Variants in CEP63 observed in about 807,000 individuals in gnomAD.
CEP63 encodes the protein centrosomal protein of 63 kDa.
CEP63 carries 84 observed loss-of-function variants against 89.1 expected under a neutral mutation model. The observed-to-expected ratio is 0.94, with a 90% CI of 0.79 to 1.13. The LOEUF is 1.13. CEP63 is among the 50% of genes most tolerant of loss of function. The pLI is 0.00. For synonymous variants in CEP63, 267 were observed against 272.5 expected, an observed-to-expected ratio of 0.98 and a Z score of 0.20; for missense variants, 838 against 813.3, an observed-to-expected ratio of 1.03 and a Z score of -0.37.
chr3:134,584,977 A>ATTTTTTT (rs1553799253), intron 10 of CEP63, among the ~76,000 whole-genome samples: 1 of 14,680 alleles, frequency 6.8e-5, no homozygotes, highest in African/African-American at 2.9e-4. Flanking sequence ...TTTTTTTTGC[A>ATTTTTTT]TGGAGGTGTT....
chr3:134,626,721 G>A, the CEP63 span, among the ~76,000 whole-genome samples: 2 of 152,210 alleles, frequency 1.3e-5, no homozygotes, highest in Non-Finnish European at 2.9e-5. Context: ...CATGGTTTGA[G>A]AGGCAATGCC....
At position 134,555,282 on chromosome 3, in the gene CEP63, G is replaced by T. The variant is rs184291358; in HGVS notation, c.1468-2860G>T. Among the ~76,000 whole-genome samples the T allele has an allele frequency of 2.0e-5, 3 of 152,238 alleles. No individual in the cohort carries two copies. The East Asian group carries it at 5.8e-4, about 29-fold the overall frequency. On this transcript the variant is annotated intron_variant, in intron 12 of 14. Transcript: ENST00000675561. ...TGGAAGTTCTGGCCAGGGCAATTAGGCAGGAGAAGGAAATAAAGGGTATTC... is the reference window on the plus strand; with the variant it reads ...TGGAAGTTCTGGCCAGGGCAATTAGTCAGGAGAAGGAAATAAAGGGTATTC...
intron 1 of CEP63, chr3:134,486,426 G>C: frequency 2.0e-6 from 2 of 985,488 alleles, no homozygotes; most frequent in Non-Finnish European, 2.4e-6. Flanking sequence ...CCAGTCCCTC[G>C]GCCTGGCCCG....
the CEP63 span, among the ~76,000 whole-genome samples, chr3:134,703,743 A>G: frequency 2.0e-5 from 3 of 152,230 alleles, no homozygotes; most frequent in African/African-American, 4.8e-5. Context: ...ATGTTTACCT[A>G]TGCAACAAAT....
the CEP63 span, chr3:134,603,497 A>G: frequency 7.8e-7 from 1 of 1,286,054 alleles, no homozygotes; most frequent in Non-Finnish European, 1.1e-6. Flanking sequence ...AGTGGTGTCC[A>G]GGGCTCCCTG....
the CEP63 span, among the ~76,000 whole-genome samples, chr3:134,638,727 T>C: frequency 6.6e-6 from 1 of 152,312 alleles, no homozygotes; most frequent in East Asian, 1.9e-4. Context: ...TTTCACCCAG[T>C]CAGGTTTCTT....
At chr3:134,775,798 G>T in the CEP63 span, among the ~76,000 whole-genome samples, 1 of 152,122 alleles carries the variant, frequency 6.6e-6, no homozygotes, top group South Asian at 2.1e-4. Context: ...GAGTTATCTA[G>T]ACAGTGACGC....
At position 134,559,443 on chromosome 3, in the gene CEP63, C is replaced by G. The variant is rs1335018995; in HGVS notation, c.1953+14C>G. 6.2e-7 allele frequency: 1 copy of G among 1,605,122 alleles called. No homozygotes were observed. ...TTTATATCTTCGGTATGGAAACTTT[C>G]TGATCTTAGTAATTTGTTAGTTTTT... On this transcript the variant is annotated intron_variant, in intron 14 of 14. Coordinates refer to ENST00000675561, the MANE Select transcript of CEP63 (RefSeq NM_001353108.3).
the CEP63 span, among the ~76,000 whole-genome samples, chr3:134,690,743 A>ATTTTTTTTTTTTTTTTTTTT: frequency 1.2e-3 from 142 of 120,784 alleles, 11 homozygotes; most frequent in African/African-American, 4.2e-3. Context: ...GAAGACCAAG[A>ATTTTTTTTTTTTTTTTTTTT]TTTTTTTTTT....
the CEP63 span, among the ~76,000 whole-genome samples, chr3:134,611,237 A>G: frequency 1.3e-5 from 2 of 152,190 alleles, no homozygotes; most frequent in Admixed American, 6.5e-5. Context: ...TAGAGCTGGC[A>G]CTGCTTTCTG....
the CEP63 span, among the ~76,000 whole-genome samples, chr3:134,748,609 T>C: frequency 6.6e-6 from 1 of 152,154 alleles, no homozygotes; most frequent in Non-Finnish European, 1.5e-5. Flanking sequence ...GCCCAGTCAT[T>C]CCACTGCAGT....
chr3:134,569,979 G>A (rs376796956), downstream of CEP63, among the ~76,000 whole-genome samples: 10 of 152,370 alleles, frequency 6.6e-5, 1 homozygote, highest in African/African-American at 2.4e-4. Flanking sequence ...TGCACCCTCT[G>A]AAGCTATGGC....
chr3:134,658,366 T>C, the CEP63 span, among the ~76,000 whole-genome samples: 1 of 152,116 alleles, frequency 6.6e-6, no homozygotes, highest in Non-Finnish European at 1.5e-5. Flanking sequence ...TAAATATTGG[T>C]TGGAAAAAAA....
intron 6 of CEP63, among the ~76,000 whole-genome samples, chr3:134,538,752 T>C (rs1316976213): frequency 6.6e-6 from 1 of 151,492 alleles, no homozygotes; most frequent in Non-Finnish European, 1.5e-5. Flanking sequence ...AGCCTTCAGA[T>C]TGACAAAAAA....
At chr3:134,495,562 T>C (rs1005591793) in intron 2 of CEP63, among the ~76,000 whole-genome samples, 198 bp downstream of exon 2, 1 of 152,194 alleles carries the variant, frequency 6.6e-6, no homozygotes, top group Non-Finnish European at 1.5e-5. Context: ...AAATATATAG[T>C]AAATTTTTAA....
At chr3:134,711,730 C>T in the CEP63 span, among the ~76,000 whole-genome samples, 545 of 151,368 alleles carry the variant, frequency 3.6e-3, 1 homozygote, top group Non-Finnish European at 5.9e-3. Flanking sequence ...TTAGAGAGGT[C>T]TGATGCCACT....
the CEP63 span, among the ~76,000 whole-genome samples, chr3:134,745,124 C>A: frequency 6.6e-6 from 1 of 152,210 alleles, no homozygotes; most frequent in African/African-American, 2.4e-5. Flanking sequence ...CCATCTAGCA[C>A]TTCCCACTGT....
chr3:134,568,670 G>C (rs1957886627), downstream of CEP63, among the ~76,000 whole-genome samples: 2 of 152,216 alleles, frequency 1.3e-5, no homozygotes, highest in African/African-American at 2.4e-5. Context: ...GACTAAGAAG[G>C]CATCACCTGA....
At chr3:134,781,906 G>A in the CEP63 span, among the ~76,000 whole-genome samples, 1 of 152,042 alleles carries the variant, frequency 6.6e-6, no homozygotes, top group Non-Finnish European at 1.5e-5. Context: ...TACAGCGCTA[G>A]CTCAAACCAG....
Sources: allele counts gnomAD v4.1 joint callset (sites outside exome capture counted in the v4.1 genomes callset), GRCh38; gene constraint gnomAD v4.1.1; transcripts MANE v1.5; gene names NCBI Gene and HGNC (gene_info 2026-07-23, HGNC 2026-07-21).